SMARCB1: variants seen among roughly 807,000 people sequenced by gnomAD.
SMARCB1 encodes the protein SWI/SNF-related matrix-associated actin-dependent regulator of chromatin subfamily B member 1.
A neutral mutation model predicts 49.0 loss-of-function variants in SMARCB1; 5 were observed. That is an observed-to-expected ratio of 0.10 (90% CI 0.05 to 0.21). The LOEUF is 0.21. SMARCB1 is among the 10% of genes least tolerant of loss of function. The probability of loss-of-function intolerance (pLI) is 1.00; values close to 1 mark genes in which losing one functional copy is unlikely to be tolerated. For synonymous variants in SMARCB1, 201 were observed against 200.1 expected, an observed-to-expected ratio of 1.00 and a Z score of -0.04; for missense variants, 226 against 509.2, an observed-to-expected ratio of 0.44 and a Z score of 5.35.
chr22:23,794,866 C>T (rs992491165), intron 3 of SMARCB1, among the ~76,000 whole-genome samples: 39 of 152,028 alleles, frequency 2.6e-4, no homozygotes, highest in African/African-American at 8.2e-4. Flanking sequence ...CCTTTGCACT[C>T]CAGACTGGGC....
intron 5 of SMARCB1, among the ~76,000 whole-genome samples, chr22:23,806,856 G>C (rs1326442642): frequency 6.7e-6 from 1 of 148,920 alleles, no homozygotes; most frequent in Non-Finnish European, 1.5e-5. Flanking sequence ...GGAGGCAGAG[G>C]TTGCAGTTAG....
chr22:23,836,075 A>G lies in SMARCB1; in HGVS notation c.*1895A>G. The G allele has an allele frequency of 2.0e-6, 2 of 985,480 alleles. No homozygotes were observed. The highest frequency in any genetic ancestry group is 2.4e-6 in the Non-Finnish European group (2 of 829,960). The allele number at this position is 985,480 out of a possible 1,614,324, so 61.0% of individuals were successfully genotyped here. On this transcript the variant is annotated 3_prime_UTR_variant, in exon 9 of 9. Transcript: ENST00000644036. The stretch of plus-strand genomic sequence containing the variant: ...GAAAGCTGCCAGGTCAGAAGAGAAA[A>G]ATGAGCCACAGGGGTCGGATAAGGC...
At chr22:23,831,277 G>T (rs2030643648) in intron 7 of SMARCB1, among the ~76,000 whole-genome samples, 1 of 152,198 alleles carries the variant, frequency 6.6e-6, no homozygotes, top group African/African-American at 2.4e-5. Flanking sequence ...ATCACATGAG[G>T]TCATGAAAGT....
intron 4 of SMARCB1, chr22:23,802,065 C>T (rs910133599): frequency 3.9e-5 from 6 of 155,038 alleles, no homozygotes; most frequent in African/African-American, 1.4e-4. Flanking sequence ...ACTGCTCTCC[C>T]TGGGGTCTCT....
intron 5 of SMARCB1, chr22:23,815,513 G>C (rs1930138829): frequency 7.1e-6 from 1 of 140,192 alleles, no homozygotes; most frequent in Admixed American, 7.5e-5. Flanking sequence ...CATCCTGGGC[G>C]ACAGAGCGAG....
chr22:23,807,798 C>T (rs1193665243), intron 5 of SMARCB1, among the ~76,000 whole-genome samples: 27 of 132,670 alleles, frequency 2.0e-4, no homozygotes, highest in Admixed American at 4.8e-4. Context: ...CTTTTTTTTT[C>T]TTTTTTTTTT....
chr22:23,789,701 G>A (rs544418340), intron 1 of SMARCB1, among the ~76,000 whole-genome samples: 4 of 152,324 alleles, frequency 2.6e-5, no homozygotes, highest in African/African-American at 9.6e-5. Flanking sequence ...AGACTCAGTT[G>A]GAGAGGCAGT....
In SMARCB1 at chr22:23,836,181, A is replaced by G; in HGVS notation, c.*2001A>G. On this transcript the variant is annotated 3_prime_UTR_variant, in exon 9 of 9. Coordinates refer to ENST00000644036, the MANE Select transcript of SMARCB1 (RefSeq NM_003073.5). ...CTCACCCAGTCTCAGAACTCTGCTA[A>G]GGTGAAAACTTAGGCTCTGAGGTCA... 1 of 985,462 alleles carries G rather than the reference A, an allele frequency of 1.0e-6. No homozygotes were observed. Among genetic ancestry groups the G allele is most frequent in the South Asian group, 4.7e-5 (1 of 21,290 alleles). 61.0% of individuals were successfully genotyped at this position (985,462 alleles called of 1,614,324 possible).
intron 6 of SMARCB1, among the ~76,000 whole-genome samples, chr22:23,819,521 G>A (rs569678357): frequency 7.2e-5 from 11 of 151,950 alleles, no homozygotes; most frequent in South Asian, 6.2e-4. Flanking sequence ...AATAGAGACC[G>A]GGTTTCACCA....
chr22:23,823,990 A>T (rs1432198059), intron 6 of SMARCB1: 3 of 152,330 alleles, frequency 2.0e-5, no homozygotes, highest in African/African-American at 7.2e-5. Context: ...TGACAGAGTG[A>T]CATCCTGTCT....
chr22:23,791,909 G>C lies in SMARCB1; in HGVS notation c.232+15G>C. 6.2e-7 allele frequency: 1 copy of C among 1,613,740 alleles called. No homozygotes were observed. The highest frequency in any genetic ancestry group is 1.1e-5 in the South Asian group (1 of 91,050). On this transcript the variant is annotated intron_variant, in intron 2 of 8. Transcript: ENST00000644036. ...TAACACTAAGGGTGCGTCTTCACGA[G>C]GGTTTGTAAACCTGTTTCAAAACCA...
intron 6 of SMARCB1, chr22:23,823,280 A>G (rs2051196): frequency 0.064 from 9,703 of 152,222 alleles, 1,014 homozygotes; most frequent in African/African-American, 0.22. Flanking sequence ...CCATGTGCCT[A>G]TGGTCCTATG....
Position 23,837,117 on chromosome 22 carries a change from G to C in SMARCB1, c.*2937G>C. 1 of 1,613,998 alleles carries C rather than the reference G, an allele frequency of 6.2e-7. No homozygotes were observed. The highest frequency in any genetic ancestry group is 1.1e-5 in the South Asian group (1 of 91,070). ...TGCCTCCAGGCTGGTTGGGGAAGAC[G>C]TCCTCCAGGAAGTAGTAGATATGGC... On this transcript the variant is annotated 3_prime_UTR_variant, in exon 9 of 9. Coordinates refer to ENST00000644036, the MANE Select transcript of SMARCB1 (RefSeq NM_003073.5).
intron 5 of SMARCB1, among the ~76,000 whole-genome samples, chr22:23,813,086 C>T (rs886339500): frequency 1.3e-5 from 2 of 152,098 alleles, no homozygotes; most frequent in African/African-American, 4.8e-5. Context: ...AGGAATGTCT[C>T]GAACTCCTGA....
At chr22:23,822,618 C>CT (rs751686477) in intron 6 of SMARCB1, among the ~76,000 whole-genome samples, 80 of 152,334 alleles carry the variant, frequency 5.3e-4, no homozygotes, top group Non-Finnish European at 9.7e-4. Context: ...CCTCAGGGCC[C>CT]TAACTGCTCT....
chr22:23,826,921 C>G (rs1185783059), intron 7 of SMARCB1, among the ~76,000 whole-genome samples: 1 of 152,230 alleles, frequency 6.6e-6, no homozygotes, highest in East Asian at 1.9e-4. Context: ...GCTTCACAGA[C>G]AGGGCAGCCC....
At position 23,833,973 on chromosome 22, in the gene SMARCB1, AGTGG is replaced by A. The variant is rs34796598; in HGVS notation, c.1119-167_1119-164del. ...TCCCTGGAGTGATGAGCAGGGCCTG[AGTGG>A]CAGACAGGCGAGGCTGAGAGAAGGC... On this transcript the variant is annotated intron_variant, in intron 8 of 8. Transcript: ENST00000644036. Among the ~76,000 whole-genome samples the A allele has an allele frequency of 7.5e-3, 1,139 of 152,318 alleles. 12 individuals are homozygous for A. The highest frequency in any genetic ancestry group is 0.025 in the African/African-American group (1,031 of 41,568).
intron 7 of SMARCB1, among the ~76,000 whole-genome samples, chr22:23,830,579 T>C (rs183493980): frequency 3.9e-5 from 6 of 152,190 alleles, no homozygotes; most frequent in East Asian, 1.9e-4. Context: ...ATTTGGAGGA[T>C]TGCCTTTTCA....
At chr22:23,788,569 C>A (rs1390828252) in intron 1 of SMARCB1, among the ~76,000 whole-genome samples, 6 of 151,762 alleles carry the variant, frequency 4.0e-5, no homozygotes, top group Non-Finnish European at 8.8e-5. Context: ...CCGTGCCCGA[C>A]TAATTTTTGT....
Sources: gnomAD v4.1 joint callset for allele counts (sites outside exome capture counted in the v4.1 genomes callset) on GRCh38, gnomAD v4.1.1 for gene constraint, MANE v1.5 for transcripts, NCBI Gene and HGNC (gene_info 2026-07-23, HGNC 2026-07-21) for gene names.